ADAMTS5: variants seen among roughly 807,000 people sequenced by gnomAD.
The protein encoded by ADAMTS5 is ADAM metallopeptidase with thrombospondin type 1 motif 5, also known as A disintegrin and metalloproteinase with thrombospondin motifs 5.
A neutral mutation model predicts 81.4 loss-of-function variants in ADAMTS5; 54 were observed. The observed-to-expected ratio is 0.66, with a 90% CI of 0.53 to 0.83. The LOEUF (loss-of-function observed/expected upper bound fraction) is 0.83. Among genes scored for constraint, ADAMTS5 ranks in the 40% least tolerant of loss-of-function variants. ADAMTS5 has a pLI of 0.00. For synonymous variants in ADAMTS5, 532 were observed against 508.8 expected (o/e 1.05, Z -0.61); for missense variants, 1,194 against 1,229.9 (o/e 0.97, Z 0.44).
chr21:26,965,249 A>G, intron 1 of ADAMTS5, 39 bp downstream of exon 1: 1 of 1,571,278 alleles, frequency 6.4e-7, no homozygotes, highest in Non-Finnish European at 8.7e-7. Flanking sequence ...CTACCTCCTG[A>G]TATCAGCGCT....
intron 7 of ADAMTS5, among the ~76,000 whole-genome samples, chr21:26,928,162 A>C (rs1344985988): frequency 6.6e-6 from 1 of 152,150 alleles, no homozygotes; most frequent in African/African-American, 2.4e-5. Context: ...CTTTTGAGAA[A>C]TCTCCTGGTA....
intron 1 of ADAMTS5, among the ~76,000 whole-genome samples, chr21:26,960,882 C>T (rs191080160): frequency 8.5e-5 from 13 of 152,312 alleles, no homozygotes; most frequent in Admixed American, 7.8e-4. Context: ...ATCTGGCTAA[C>T]TCCCACTCTT....
At chr21:26,945,789 A>T (rs374877449) in intron 2 of ADAMTS5, among the ~76,000 whole-genome samples, 34 of 152,304 alleles carry the variant, frequency 2.2e-4, no homozygotes, top group African/African-American at 7.5e-4. Flanking sequence ...CTCATTTTCC[A>T]CTGAAACTTA....
Position 26,966,146 on chromosome 21 carries a change from G to A in ADAMTS5, c.246C>T (p.Ser82=). ...GLVQNIDQLY[S]GGGKVGYLVY... ...CGAGGTAGCCCACCTTGCCGCCGCC[G>A]GAGTAGAGTTGGTCGATGTTCTGCA... Residue 82 remains serine (S), a synonymous_variant, in exon 1 of 8, where the codon TCC becomes TCT. Coordinates refer to ENST00000284987, the MANE Select transcript of ADAMTS5 (RefSeq NM_007038.5). 1 of 1,611,674 alleles carries A rather than the reference G, an allele frequency of 6.2e-7. No individual in the cohort carries two copies. Among genetic ancestry groups the A allele is most frequent in the South Asian group, 1.1e-5 (1 of 90,894 alleles).
intron 3 of ADAMTS5, among the ~76,000 whole-genome samples, chr21:26,936,039 T>G (rs1987008280): frequency 6.6e-6 from 1 of 152,192 alleles, no homozygotes; most frequent in South Asian, 2.1e-4. Context: ...GGCAGACCAG[T>G]TACCCAAGGT....
chr21:26,965,449 C>A lies in ADAMTS5; in HGVS notation c.943G>T (p.Val315Leu). ...ASIENHIRLA[V>L]VKVVVLGDKD... ...TCGCCTAGCACCACCACCTTCACCA[C>A]GGCCAGGCGGATGTGGTTCTCGATG... Residue 315 changes from valine (V) to leucine (L), a missense_variant, in exon 1 of 8, where the codon GTG becomes TTG. By Grantham distance (32) the Val-to-Leu change is conservative. This residue lies in a region of ADAMTS5 where 696 missense variants were observed against 817.6 expected (regional missense o/e 0.85). Coordinates refer to ENST00000284987, the MANE Select transcript of ADAMTS5 (RefSeq NM_007038.5). 6.2e-7 allele frequency: 1 copy of A among 1,614,256 alleles called. No individual in the cohort carries two copies. Among genetic ancestry groups the A allele is most frequent in the Non-Finnish European group, 8.5e-7 (1 of 1,180,048 alleles).
chr21:26,965,275 C>A lies in ADAMTS5; in HGVS notation c.1104+13G>T. 6.3e-7 allele frequency: 1 copy of A among 1,599,544 alleles called. No individual in the cohort carries two copies. Among genetic ancestry groups the A allele is most frequent in the Non-Finnish European group, 8.5e-7 (1 of 1,170,248 alleles). On this transcript the variant is annotated intron_variant, in intron 1 of 7. Transcript: ENST00000284987. ...TATCAGCGCTGGGACCCCCGCATCCCGGCTGGACCTACCTCCCGAGTAAAC... is the reference window on the plus strand; with the variant it reads ...TATCAGCGCTGGGACCCCCGCATCCAGGCTGGACCTACCTCCCGAGTAAAC...
intron 1 of ADAMTS5, among the ~76,000 whole-genome samples, chr21:26,962,864 C>CTT (rs796502414): frequency 1.4e-5 from 2 of 145,896 alleles, no homozygotes; most frequent in African/African-American, 5.0e-5. Flanking sequence ...CTCCAGACTT[C>CTT]TTTTTTTTTT....
intron 7 of ADAMTS5, 136 bp from the exon 8 acceptor site, chr21:26,924,756 G>T: frequency 2.7e-6 from 2 of 728,164 alleles, no homozygotes; most frequent in South Asian, 2.1e-5. Context: ...AGTTTTAATG[G>T]ATTAGTTTAA....
chr21:26,966,130 C>A lies in ADAMTS5; in HGVS notation c.262G>T (p.Gly88Cys), dbSNP rs141619621. 35 of 1,612,300 alleles carry A rather than the reference C, an allele frequency of 2.2e-5. No homozygotes were observed. In the African/African-American group the frequency reaches 4.4e-4, roughly 20 times the overall value. Reference sequence around the variant, plus strand: ...CGGCCGCCCGCGTAGACGAGGTAGCCCACCTTGCCGCCGCCGGAGTAGAGT... The same window carrying A: ...CGGCCGCCCGCGTAGACGAGGTAGCACACCTTGCCGCCGCCGGAGTAGAGT... ...DQLYSGGGKVGYLVYAGGRRF... is the reference protein window; with the variant it reads ...DQLYSGGGKVCYLVYAGGRRF... Residue 88 changes from glycine to cysteine, a missense_variant, in exon 1 of 8, where the codon GGC becomes TGC. Physicochemically the swap from Gly to Cys is radical, Grantham distance 159 (BLOSUM62 -3). Transcript: ENST00000284987.
rs1334485595 is a variant in ADAMTS5 at position 26,965,275 on chromosome 21, C to T, written c.1104+13G>A. 2 of 1,599,546 alleles carry T rather than the reference C, an allele frequency of 1.3e-6. No homozygotes were observed. Among genetic ancestry groups the T allele is most frequent in the Admixed American group, 1.7e-5 (1 of 59,540 alleles). ...TATCAGCGCTGGGACCCCCGCATCC[C>T]GGCTGGACCTACCTCCCGAGTAAAC... On this transcript the variant is annotated intron_variant, in intron 1 of 7. Transcript: ENST00000284987.
chr21:26,954,469 T>C (rs1322773735), intron 2 of ADAMTS5, among the ~76,000 whole-genome samples: 1 of 152,164 alleles, frequency 6.6e-6, no homozygotes, highest in African/African-American at 2.4e-5. Context: ...TACGGATGCT[T>C]AAAAAGATAG....
intron 4 of ADAMTS5, among the ~76,000 whole-genome samples, chr21:26,933,302 T>C (rs1488723109): frequency 1.3e-5 from 2 of 152,162 alleles, no homozygotes; most frequent in African/African-American, 4.8e-5. Context: ...ACCACAAAGA[T>C]TATCACCTTT....
chr21:26,959,238 T>A (rs1299465766), intron 1 of ADAMTS5, among the ~76,000 whole-genome samples: 1 of 152,224 alleles, frequency 6.6e-6, no homozygotes, highest in Admixed American at 6.5e-5. Context: ...TTCAATGCTG[T>A]TAGTGAGAAG....
intron 1 of ADAMTS5, 32 bp from the exon 2 acceptor site, chr21:26,954,903 T>C (rs1330470019): frequency 6.2e-7 from 1 of 1,611,024 alleles, no homozygotes; most frequent in African/African-American, 1.3e-5. Flanking sequence ...ATCATTAAAA[T>C]CAATTTACAT....
chr21:26,957,237 A>G (rs997778130), intron 1 of ADAMTS5, among the ~76,000 whole-genome samples: 2 of 152,240 alleles, frequency 1.3e-5, no homozygotes, highest in African/African-American at 4.8e-5. Context: ...GATTTCTAAC[A>G]ACATTTATAG....
intron 6 of ADAMTS5, among the ~76,000 whole-genome samples, chr21:26,931,710 CT>C (rs1172211770): frequency 6.6e-6 from 1 of 152,190 alleles, no homozygotes; most frequent in Non-Finnish European, 1.5e-5. Flanking sequence ...TTCATGGTTA[CT>C]TTAAAGTTAA....
Position 26,919,806 on chromosome 21 carries a change from T to G in ADAMTS5, c.*4247A>C, listed in dbSNP as rs1331270044. 1.3e-5 allele frequency: 2 copies of G among 152,124 alleles called. No individual in the cohort carries two copies. The highest frequency in any genetic ancestry group is 2.9e-5 in the Non-Finnish European group (2 of 67,996). The allele number at this position is 152,124 out of a possible 1,614,324, so 9.4% of individuals were successfully genotyped here. ...TACTAGCCAGTTAAGTTGATCTATC[T>G]GTTTGATAACCTAAAACTATAGATT... On this transcript the variant is annotated 3_prime_UTR_variant, in exon 8 of 8. Coordinates refer to ENST00000284987, the MANE Select transcript of ADAMTS5 (RefSeq NM_007038.5).
At chr21:26,937,082 A>T (rs1016118521) in intron 3 of ADAMTS5, among the ~76,000 whole-genome samples, 1 of 152,258 alleles carries the variant, frequency 6.6e-6, no homozygotes, top group African/African-American at 2.4e-5. Flanking sequence ...GTGCATGCAC[A>T]TGGCATGGAT....
Sources: allele counts gnomAD v4.1 joint callset (sites outside exome capture counted in the v4.1 genomes callset), GRCh38; gene constraint gnomAD v4.1.1; regional missense constraint gnomAD v4.1.1; transcripts MANE v1.5; gene names NCBI Gene and HGNC (gene_info 2026-07-23, HGNC 2026-07-21).